UBR3: variants seen among roughly 807,000 people sequenced by gnomAD.
The protein encoded by UBR3 is ubiquitin protein ligase E3 component n-recognin 3.
A neutral mutation model predicts 243.2 loss-of-function variants in UBR3; 85 were observed. The observed-to-expected ratio is 0.35, with a 90% CI of 0.29 to 0.42. The LOEUF (loss-of-function observed/expected upper bound fraction) is 0.42, where lower values mean the gene tolerates loss of function less well. Ranked by LOEUF, UBR3 falls within the 10% of genes least tolerant of loss-of-function variation. UBR3 has a pLI of 1.00. For missense variants in UBR3, 1,686 were observed against 2,300.8 expected (o/e 0.73, Z 5.47); for synonymous variants, 748 against 799.8 (o/e 0.94, Z 1.09).
chr2:169,951,504 T>G (rs1559127005), intron 23 of UBR3, among the ~76,000 whole-genome samples: 1 of 152,162 alleles, frequency 6.6e-6, no homozygotes, highest in Non-Finnish European at 1.5e-5. Flanking sequence ...AACAGATAGT[T>G]TGTTAGTAGT....
At chr2:169,869,854 T>C (rs893508740) in intron 1 of UBR3, among the ~76,000 whole-genome samples, 12 of 152,244 alleles carry the variant, frequency 7.9e-5, no homozygotes, top group Non-Finnish European at 1.8e-4. Flanking sequence ...ATTTTTCTGT[T>C]GAATTCCTTT....
intron 2 of UBR3, among the ~76,000 whole-genome samples, chr2:169,872,918 T>C (rs1452201030): frequency 6.6e-6 from 1 of 152,166 alleles, no homozygotes; most frequent in Non-Finnish European, 1.5e-5. Context: ...ATGTTCTTCT[T>C]ACTTTTTAAG....
chr2:170,068,591 A>G (rs898196767), intron 35 of UBR3, among the ~76,000 whole-genome samples: 3 of 152,238 alleles, frequency 2.0e-5, no homozygotes, highest in African/African-American at 7.2e-5. Context: ...AGTAAAAGAA[A>G]AGAAATAATA....
At chr2:169,873,401 G>T (rs1323266679) in intron 2 of UBR3, among the ~76,000 whole-genome samples, 1 of 152,144 alleles carries the variant, frequency 6.6e-6, no homozygotes, top group Non-Finnish European at 1.5e-5. Flanking sequence ...GCTGGGCATG[G>T]TGTTTCATAC....
intron 25 of UBR3, among the ~76,000 whole-genome samples, chr2:169,993,002 C>T (rs1392586440): frequency 6.6e-6 from 1 of 152,196 alleles, no homozygotes; most frequent in Non-Finnish European, 1.5e-5. Context: ...CTCAAGTAGT[C>T]TGTCCACCTT....
chr2:169,967,636 T>G (rs1431030178), intron 24 of UBR3, among the ~76,000 whole-genome samples: 3 of 152,120 alleles, frequency 2.0e-5, no homozygotes, highest in Non-Finnish European at 4.4e-5. Context: ...GAACAGCATC[T>G]TACATTAAGA....
chr2:169,893,481 G>C (rs1260545900), intron 6 of UBR3, among the ~76,000 whole-genome samples: 1 of 152,212 alleles, frequency 6.6e-6, no homozygotes, highest in Non-Finnish European at 1.5e-5. Flanking sequence ...CATTTTGGTA[G>C]TCTGTGAAAT....
chr2:170,073,157 T>C (rs1431129761), intron 35 of UBR3, among the ~76,000 whole-genome samples: 1 of 152,160 alleles, frequency 6.6e-6, no homozygotes, highest in Non-Finnish European at 1.5e-5. Flanking sequence ...CCATTAGATA[T>C]ATAACAACTC....
chr2:169,928,862 C>G lies in UBR3; in HGVS notation c.2560C>G (p.Pro854Ala). Residue 854 changes from proline to alanine, a missense_variant, in exon 18 of 39, where the codon CCC (proline) becomes GCC (alanine). Pro to Ala is a conservative substitution (Grantham distance 27, BLOSUM62 -1). Coordinates refer to ENST00000272793, the MANE Select transcript of UBR3 (RefSeq NM_172070.4). ...TTCTATGCAACAAGGCATGTATACT[C>G]CCAAAGGTATGTTTATATACATAAA... ...GGSMQQGMYT[P>A]KAEVWDQEFD... 1 of 1,444,132 alleles carries G rather than the reference C, an allele frequency of 6.9e-7. No homozygotes were observed. The highest frequency in any genetic ancestry group is 9.3e-7 in the Non-Finnish European group (1 of 1,077,426). 89.5% of individuals were successfully genotyped at this position (1,444,132 alleles called of 1,614,324 possible).
At chr2:169,844,618 C>G (rs2082406929) in intron 1 of UBR3, among the ~76,000 whole-genome samples, 1 of 151,820 alleles carries the variant, frequency 6.6e-6, no homozygotes. Context: ...CTCAGCCTCC[C>G]CAGTAGCTGG....
chr2:169,928,505 C>G (rs2085994279), intron 17 of UBR3, among the ~76,000 whole-genome samples: 1 of 152,028 alleles, frequency 6.6e-6, no homozygotes, highest in African/African-American at 2.4e-5. Context: ...CTGCAGCATA[C>G]AATTTATTAG....
At chr2:170,002,583 G>A (rs1319707453) in intron 27 of UBR3, among the ~76,000 whole-genome samples, 2 of 152,162 alleles carry the variant, frequency 1.3e-5, no homozygotes, top group African/African-American at 4.8e-5. Context: ...ACTCTTTGAG[G>A]TAGTACTGTA....
intron 6 of UBR3, among the ~76,000 whole-genome samples, chr2:169,893,161 CA>C (rs1407057422): frequency 2.6e-5 from 4 of 152,096 alleles, no homozygotes; most frequent in Non-Finnish European, 5.9e-5. Context: ...TTAAGAACAA[CA>C]AAGAAGACAT....
At chr2:169,842,471 T>C (rs1258698681) in intron 1 of UBR3, among the ~76,000 whole-genome samples, 1 of 145,828 alleles carries the variant, frequency 6.9e-6, no homozygotes, top group Non-Finnish European at 1.5e-5. Flanking sequence ...CCTTCCACAC[T>C]GTGGAAGCTT....
At chr2:169,891,499 T>TC in intron 6 of UBR3, among the ~76,000 whole-genome samples, 1 of 152,112 alleles carries the variant, frequency 6.6e-6, no homozygotes, top group Non-Finnish European at 1.5e-5. Flanking sequence ...CTGATTTGGC[T>TC]CCAGTGTTTT....
At chr2:169,964,684 T>A in intron 24 of UBR3, 1 of 369,344 alleles carries the variant, frequency 2.7e-6, no homozygotes, top group African/African-American at 2.1e-5. Flanking sequence ...GTGGGAGACA[T>A]TGGTCATGAA....
intron 26 of UBR3, among the ~76,000 whole-genome samples, chr2:170,000,979 A>G (rs1559174093): frequency 6.6e-6 from 1 of 152,236 alleles, no homozygotes; most frequent in Non-Finnish European, 1.5e-5. Context: ...ACCATACTTT[A>G]TCTCAGCAAC....
rs2081801200 is a variant in UBR3, at chr2:169,828,063, C to T, written c.545+11C>T. The T allele has an allele frequency of 2.9e-6, 4 of 1,363,400 alleles. No homozygotes were observed. The highest frequency in any genetic ancestry group is 6.8e-5 in the Admixed American group (2 of 29,314). The allele number at this position is 1,363,400 out of a possible 1,614,324, so 84.5% of individuals were successfully genotyped here. On this transcript the variant is annotated intron_variant, in intron 1 of 38. Transcript: ENST00000272793. Reference sequence around the variant, plus strand: ...GATGCGGGAGAGCGGGTGAGTGGAGCCCTCCCCGCGGGCGAGGCGACCCTG... The same window carrying T: ...GATGCGGGAGAGCGGGTGAGTGGAGTCCTCCCCGCGGGCGAGGCGACCCTG...
chr2:169,859,819 C>A (rs187904970), intron 1 of UBR3, among the ~76,000 whole-genome samples: 1 of 152,146 alleles, frequency 6.6e-6, no homozygotes, highest in East Asian at 1.9e-4. Flanking sequence ...TGGGTTCAAG[C>A]GATTCTTCTG....
Sources: gnomAD v4.1 joint callset for allele counts (sites outside exome capture counted in the v4.1 genomes callset) on GRCh38, gnomAD v4.1.1 for gene constraint, MANE v1.5 for transcripts, NCBI Gene and HGNC (gene_info 2026-07-23, HGNC 2026-07-21) for gene names.